Variants in RNASET2 observed in about 807,000 individuals in gnomAD.
RNASET2 encodes ribonuclease T2, also known as ribonuclease 6.
In RNASET2, 28 loss-of-function variants were observed where a neutral mutation model predicts 33.9. The observed-to-expected ratio is 0.83, with a 90% CI of 0.61 to 1.13. RNASET2 has a LOEUF of 1.13. RNASET2 is among the 50% of genes most tolerant of loss of function. The pLI is 0.00. For synonymous variants in RNASET2, 123 were observed against 121.0 expected, an observed-to-expected ratio of 1.02 and a Z score of -0.11; for missense variants, 330 against 319.9, an observed-to-expected ratio of 1.03 and a Z score of -0.24.
At chr6:166,954,517 C>T (rs911963373) in intron 1 of RNASET2, among the ~76,000 whole-genome samples, 1 of 152,220 alleles carries the variant, frequency 6.6e-6, no homozygotes, top group Non-Finnish European at 1.5e-5. Context: ...AGGTCCCACA[C>T]CTGGGTGTGA....
chr6:166,931,483 C>T (rs1778438877), intron 7 of RNASET2: 3 of 346,224 alleles, frequency 8.7e-6, no homozygotes, highest in Admixed American at 4.4e-5. Flanking sequence ...CTTTCGCGGC[C>T]CATAAAGCTT....
chr6:166,934,442 T>C (rs536551271), intron 6 of RNASET2: 119 of 356,870 alleles, frequency 3.3e-4, no homozygotes, highest in Non-Finnish European at 5.3e-4. Context: ...TCACCACCCG[T>C]TTGCCACACC....
chr6:166,947,024 C>T (rs1778864830), intron 3 of RNASET2, among the ~76,000 whole-genome samples: 1 of 152,130 alleles, frequency 6.6e-6, no homozygotes, highest in African/African-American at 2.4e-5. Context: ...AGCCTAGTAG[C>T]ACCGAGGAGC....
intron 6 of RNASET2, among the ~76,000 whole-genome samples, chr6:166,936,665 G>A (rs1246171941): frequency 6.6e-6 from 1 of 152,108 alleles, no homozygotes; most frequent in Non-Finnish European, 1.5e-5. Flanking sequence ...CCCCTGCAAG[G>A]GGGCATTAAC....
rs1202206941 is a variant in RNASET2 at position 166,925,391 on chromosome 6, G to C, written c.*4197C>G. ...CTGCCACCCAGGCCTCATCTACACT[G>C]CCTAGCCCTCACCTCCCCTGTCCAG... On this transcript the variant is annotated 3_prime_UTR_variant, in exon 9 of 9. Coordinates refer to ENST00000508775, the MANE Select transcript of RNASET2 (RefSeq NM_003730.6). 6.7e-6 allele frequency among the ~76,000 whole-genome samples: 1 copy of C among 148,486 alleles called. No individual in the cohort carries two copies. Among genetic ancestry groups the C allele is most frequent in the Non-Finnish European group, 1.5e-5 (1 of 67,450 alleles).
chr6:166,939,046 G>A (rs1583221848), intron 5 of RNASET2, 38 bp from the exon 6 acceptor site: 1 of 1,475,652 alleles, frequency 6.8e-7, no homozygotes, highest in Non-Finnish European at 9.4e-7. Flanking sequence ...TAAAAGTAGT[G>A]AAACAGGCTG....
intron 1 of RNASET2, among the ~76,000 whole-genome samples, chr6:166,955,221 GCGCACACACGCACGCACGCACACA>G (rs1562506589): frequency 1.6e-4 from 15 of 94,008 alleles, no homozygotes; most frequent in African/African-American, 4.3e-4. Flanking sequence ...ACGCACACAC[GCGCACACACGCACGCACGCACACA>G]CACGCACACA....
chr6:166,923,275 A>C lies in RNASET2; in HGVS notation c.*6313T>G. Among the ~76,000 whole-genome samples the C allele has an allele frequency of 7.6e-6, 1 of 130,910 alleles. No homozygotes were observed. Among genetic ancestry groups the C allele is most frequent in the African/African-American group, 3.1e-5 (1 of 32,306 alleles). 85.9% of individuals were successfully genotyped at this position (130,910 alleles called of 152,430 possible). A position where few individuals can be genotyped will look rare whatever the true frequency, so the allele number is the denominator to read the frequency against. ...GAGACAGAGTCTTACTCTGTTGCCC[A>C]AGCTTGAGTACAGTCTCGGCTCACT... is the stretch of plus-strand genomic sequence containing the variant. On this transcript the variant is annotated 3_prime_UTR_variant, in exon 9 of 9. Transcript: ENST00000508775.
At chr6:166,948,679 C>T in intron 2 of RNASET2, 54 bp from the exon 3 acceptor site, 7 of 1,004,124 alleles carry the variant, frequency 7.0e-6, no homozygotes, top group Non-Finnish European at 1.1e-5. Flanking sequence ...TTCAAATACA[C>T]TTAGGAACCC....
Position 166,924,940 on chromosome 6 carries a change from T to C in RNASET2, c.*4648A>G, listed in dbSNP as rs1259522113. ...TTGAAAAAAGTGTGGAATGAATCAA[T>C]AAACAGCTCTTGATTTAGTGGCAGG... On this transcript the variant is annotated 3_prime_UTR_variant, in exon 9 of 9. Coordinates refer to ENST00000508775, the MANE Select transcript of RNASET2 (RefSeq NM_003730.6). 6.6e-6 allele frequency among the ~76,000 whole-genome samples: 1 copy of C among 152,096 alleles called. No homozygotes were observed. Among genetic ancestry groups the C allele is most frequent in the Non-Finnish European group, 1.5e-5 (1 of 67,996 alleles).
Position 166,927,736 on chromosome 6 carries a change from A to G in RNASET2, c.*1852T>C, listed in dbSNP as rs1434221303. On this transcript the variant is annotated 3_prime_UTR_variant, in exon 9 of 9. Transcript: ENST00000508775. ...CTCAAAAAAAAAAAAAAAAAAAAAA[A>G]GAATTGACATCATTTAAAGGACTCT... 6.7e-6 allele frequency among the ~76,000 whole-genome samples: 1 copy of G among 150,358 alleles called. No individual in the cohort carries two copies. Among genetic ancestry groups the G allele is most frequent in the Non-Finnish European group, 1.5e-5 (1 of 67,600 alleles).
chr6:166,937,259 C>A (rs1273145397), intron 6 of RNASET2, among the ~76,000 whole-genome samples: 1 of 152,158 alleles, frequency 6.6e-6, no homozygotes. Flanking sequence ...GCTTCAGCCT[C>A]CCGAGTAGCT....
intron 5 of RNASET2, among the ~76,000 whole-genome samples, chr6:166,940,144 G>A (rs145816699): frequency 1.3e-5 from 2 of 152,306 alleles, no homozygotes; most frequent in East Asian, 3.9e-4. Context: ...AATGACTGGC[G>A]TGTCATCAGA....
intron 2 of RNASET2, among the ~76,000 whole-genome samples, chr6:166,950,239 C>G (rs1161858342): frequency 6.6e-6 from 1 of 152,144 alleles, no homozygotes. Context: ...GAACCAAGGA[C>G]TCCAGCAATC....
intron 5 of RNASET2, among the ~76,000 whole-genome samples, chr6:166,939,266 G>A (rs1778642982): frequency 6.6e-6 from 1 of 152,204 alleles, no homozygotes; most frequent in African/African-American, 2.4e-5. Flanking sequence ...CCGGGAGGCA[G>A]AGGTTGCAGT....
chr6:166,923,462 C>T lies in RNASET2; in HGVS notation c.*6126G>A, dbSNP rs936990035. 6.6e-6 allele frequency among the ~76,000 whole-genome samples: 1 copy of T among 151,836 alleles called. No individual in the cohort carries two copies. Among genetic ancestry groups the T allele is most frequent in the African/African-American group, 2.4e-5 (1 of 41,270 alleles). On this transcript the variant is annotated 3_prime_UTR_variant, in exon 9 of 9. Transcript: ENST00000508775. ...CTTGAACGCTTGACCTCAAGTGATC[C>T]GCCCACCTCGGCCTCCCAAGGTGCT...
intron 2 of RNASET2, among the ~76,000 whole-genome samples, chr6:166,949,425 CG>C (rs1427308177): frequency 7.2e-6 from 1 of 138,530 alleles, no homozygotes; most frequent in Non-Finnish European, 1.5e-5. Context: ...AGCTTGAACC[CG>C]GGAGGCAGAG....
In RNASET2 at chr6:166,939,923, G is replaced by A. The variant is rs1444368514; in HGVS notation, c.333-915C>T. On this transcript the variant is annotated intron_variant, in intron 5 of 8. Coordinates refer to ENST00000508775, the MANE Select transcript of RNASET2 (RefSeq NM_003730.6). ...TTAAAGGTTTACAAAAATCTTTCAC[G>A]TTCTTCGTTTGGTTCTCAAAACTCT... 3.3e-5 allele frequency among the ~76,000 whole-genome samples: 5 copies of A among 152,312 alleles called. No homozygotes were observed. In the East Asian group the frequency reaches 5.8e-4, roughly 18 times the overall value.
rs1383335794 is a variant in RNASET2 at position 166,922,982 on chromosome 6, C to G, written c.*6606G>C. ...AAAAGGTGATTGTGTAATTCTTGCT[C>G]CCTCAAATAAAGGGAATGTAAATGC... On this transcript the variant is annotated 3_prime_UTR_variant, in exon 9 of 9. Coordinates refer to ENST00000508775, the MANE Select transcript of RNASET2 (RefSeq NM_003730.6). 6.6e-6 allele frequency among the ~76,000 whole-genome samples: 1 copy of G among 152,218 alleles called. No individual in the cohort carries two copies. Among genetic ancestry groups the G allele is most frequent in the Non-Finnish European group, 1.5e-5 (1 of 68,040 alleles).
Sources: gnomAD v4.1 joint callset for allele counts (sites outside exome capture counted in the v4.1 genomes callset) on GRCh38, gnomAD v4.1.1 for gene constraint, MANE v1.5 for transcripts, NCBI Gene and HGNC (gene_info 2026-07-23, HGNC 2026-07-21) for gene names.